The following MTCL1 variants were observed in gnomAD, a reference collection of about 807,000 sequenced individuals.
MTCL1 encodes the protein microtubule crosslinking factor 1, also known as microtubule cross-linking factor 1.
In MTCL1, 79 loss-of-function variants were observed where a neutral mutation model predicts 141.4. That is an observed-to-expected ratio of 0.56 (90% CI 0.47 to 0.67). MTCL1 has a LOEUF of 0.67. MTCL1 is among the 30% of genes least tolerant of loss of function. The pLI is 0.00. For missense variants in MTCL1, 2,177 were observed against 2,113.9 expected, an observed-to-expected ratio of 1.03 and a Z score of -0.59; for synonymous variants, 914 against 875.8, an observed-to-expected ratio of 1.04 and a Z score of -0.77.
At chr18:8,767,014 T>C (rs2149031235) in intron 4 of MTCL1, among the ~76,000 whole-genome samples, 1 of 152,264 alleles carries the variant, frequency 6.6e-6, no homozygotes, top group Non-Finnish European at 1.5e-5. Flanking sequence ...AGGAGCAGGT[T>C]GCATCCTGTG....
At chr18:8,717,506 T>A (rs1567930302) in intron 1 of MTCL1, 1 of 152,620 alleles carries the variant, frequency 6.6e-6, no homozygotes, top group African/African-American at 2.4e-5. Flanking sequence ...AGGAAGCCCC[T>A]GGAGGGTTTG....
exon 6 of MTCL1, chr18:8,783,763 A>T: frequency 6.2e-7 from 1 of 1,612,830 alleles, no homozygotes; most frequent in Non-Finnish European, 8.5e-7. Flanking sequence ...TGGAGGAGGA[A>T]GCCAACATCT....
chr18:8,812,655 G>A (rs2076527269), intron 11 of MTCL1, among the ~76,000 whole-genome samples: 1 of 152,174 alleles, frequency 6.6e-6, no homozygotes, highest in African/African-American at 2.4e-5. Context: ...CCATATAGGA[G>A]CTAAGGATAT....
rs571250463 is a variant in MTCL1 at position 8,753,361 on chromosome 18, T to C, written c.358-24472T>C. On this transcript the variant is annotated intron_variant, in intron 4 of 16. Transcript: ENST00000359865. ...TGACAGATCTGGGATTTGATTTTAC[T>C]GTACTCACAAGCTAACAAGCTAGCC... 1.5e-4 allele frequency among the ~76,000 whole-genome samples: 23 copies of C among 152,340 alleles called. 1 individual carries two copies. The South Asian group carries it at 4.6e-3, about 30-fold the overall frequency.
chr18:8,751,561 A>G (rs538883469), intron 4 of MTCL1, among the ~76,000 whole-genome samples: 5 of 152,294 alleles, frequency 3.3e-5, no homozygotes, highest in Middle Eastern at 6.8e-3. Context: ...TCAACACTCT[A>G]AAAACAAACG....
intron 4 of MTCL1, among the ~76,000 whole-genome samples, chr18:8,724,736 C>T (rs1221188379): frequency 6.6e-6 from 1 of 152,168 alleles, no homozygotes; most frequent in Non-Finnish European, 1.5e-5. Context: ...AATGGGAGAG[C>T]AGTTTAGAAT....
At chr18:8,718,101 T>C (rs2096141886) in intron 2 of MTCL1, 1 of 688,780 alleles carries the variant, frequency 1.5e-6, no homozygotes, top group Non-Finnish European at 2.1e-6. Flanking sequence ...TTGGTTTGAA[T>C]TGAAAGGTTC....
At chr18:8,784,273 C>G (rs575618091) in exon 6 of MTCL1, 13 of 1,596,764 alleles carry the variant, frequency 8.1e-6, no homozygotes, top group South Asian at 3.4e-5. Context: ...ACAGCGATGC[C>G]GAGAGTGATG....
At chr18:8,785,943 T>C (rs756389349) in exon 7 of MTCL1, 2 of 1,600,874 alleles carry the variant, frequency 1.2e-6, no homozygotes, top group East Asian at 2.2e-5. Context: ...CAGTCCAGAC[T>C]GAAAGAGCAG....
intron 4 of MTCL1, among the ~76,000 whole-genome samples, chr18:8,765,571 C>T (rs1598555905): frequency 6.6e-6 from 1 of 152,184 alleles, no homozygotes; most frequent in Non-Finnish European, 1.5e-5. Context: ...TGCCCGTCCT[C>T]GGGAAGAAGT....
chr18:8,707,327 G>A (rs1490227156), intron 1 of MTCL1: 1 of 152,406 alleles, frequency 6.6e-6, no homozygotes, highest in Non-Finnish European at 1.5e-5. Flanking sequence ...GAGCAACGGT[G>A]TTGCGCGGGC....
At chr18:8,798,826 A>G (rs1598720222) in intron 10 of MTCL1, among the ~76,000 whole-genome samples, 1 of 152,218 alleles carries the variant, frequency 6.6e-6, no homozygotes, top group East Asian at 1.9e-4. Flanking sequence ...GACCACAGAA[A>G]TAGACTCTAC....
intron 8 of MTCL1, 88 bp downstream of exon 7, chr18:8,793,208 C>T: frequency 6.4e-7 from 1 of 1,557,208 alleles, no homozygotes. Flanking sequence ...TCAAAGAAGG[C>T]TGTCTGTTGC....
intron 4 of MTCL1, among the ~76,000 whole-genome samples, chr18:8,762,609 T>C (rs900305767): frequency 2.0e-5 from 3 of 152,178 alleles, no homozygotes; most frequent in African/African-American, 7.2e-5. Flanking sequence ...AGGACGGAAA[T>C]TGATGATGAC....
chr18:8,712,451 T>C (rs1598356612), upstream of MTCL1, among the ~76,000 whole-genome samples: 1 of 152,148 alleles, frequency 6.6e-6, no homozygotes, highest in African/African-American at 2.4e-5. Context: ...GGCCTGGGGG[T>C]GGAGGGGCAC....
chr18:8,826,332 G>A, intron 15 of MTCL1, 100 bp downstream of exon 14: 1 of 1,157,842 alleles, frequency 8.6e-7, no homozygotes, highest in Non-Finnish European at 1.2e-6. Flanking sequence ...TTTGATCTCA[G>A]GAATCGTCCA....
exon 15 of MTCL1, chr18:8,824,878 G>T (rs758068564): frequency 6.2e-7 from 1 of 1,614,014 alleles, no homozygotes; most frequent in Admixed American, 1.7e-5. Flanking sequence ...CCCAACAGGG[G>T]CCACAATGGT....
chr18:8,782,957 C>T (rs1206286924), intron 5 of MTCL1, among the ~76,000 whole-genome samples: 3 of 152,234 alleles, frequency 2.0e-5, no homozygotes, highest in African/African-American at 4.8e-5. Flanking sequence ...CCTTAGGAAA[C>T]CAGGGGAAAG....
In MTCL1 at chr18:8,706,591, C is replaced by G. The variant is rs1408233142; in HGVS notation, c.931C>G (p.Pro311Ala). The G allele has an allele frequency of 1.8e-5, 27 of 1,507,308 alleles. No homozygotes were observed. In the African/African-American group the frequency reaches 2.4e-4, roughly 14 times the overall value. The allele number at this position is 1,507,308 out of a possible 1,614,324, so 93.4% of individuals were successfully genotyped here. A position where few individuals can be genotyped will look rare whatever the true frequency, so the allele number is the denominator to read the frequency against. The stretch of plus-strand genomic sequence containing the variant: ...CCGGGGGCGCTCGCCACCGGAGCGA[C>G]CAGTCCCCGGGACCCCCAAGGAGCC... Residue 311 changes from proline to alanine, a missense_variant, in exon 1 of 14, where the codon CCA (proline) becomes GCA (alanine). Physicochemically the swap from Pro to Ala is conservative, Grantham distance 27. Transcript: ENST00000306329.
Sources: allele counts gnomAD v4.1 joint callset (sites outside exome capture counted in the v4.1 genomes callset), GRCh38; gene constraint gnomAD v4.1.1; transcripts MANE v1.5; gene names NCBI Gene and HGNC (gene_info 2026-07-23, HGNC 2026-07-21).